IGF2R: variants seen among roughly 807,000 people sequenced by gnomAD.
IGF2R encodes cation-independent mannose-6-phosphate receptor.
IGF2R carries 91 observed loss-of-function variants against 270.6 expected under a neutral mutation model. The observed-to-expected ratio is 0.34, with a 90% CI of 0.28 to 0.40. IGF2R has a LOEUF of 0.40. Among genes scored for constraint, IGF2R ranks in the 10% least tolerant of loss-of-function variants. The pLI is 1.00. For synonymous variants in IGF2R, 1,316 were observed against 1,258.9 expected (o/e 1.05, Z -0.96); for missense variants, 2,805 against 3,188.3 (o/e 0.88, Z 2.90).
At chr6:160,081,473 G>A (rs911433179) in intron 39 of IGF2R, among the ~76,000 whole-genome samples, 11 of 152,186 alleles carry the variant, frequency 7.2e-5, no homozygotes, top group Admixed American at 3.3e-4. Context: ...CAAGGTCAGC[G>A]CGAAACTAGA....
At chr6:160,090,848 G>T (rs150958311) in intron 44 of IGF2R, among the ~76,000 whole-genome samples, 2,342 of 152,140 alleles carry the variant, frequency 0.015, 23 homozygotes, top group Non-Finnish European at 0.022. Flanking sequence ...CTGTGCCCTG[G>T]TGCTGAGCAC....
At chr6:160,056,357 G>T in intron 19 of IGF2R, 67 bp from the exon 20 acceptor site, 1 of 1,085,114 alleles carries the variant, frequency 9.2e-7, no homozygotes, top group Non-Finnish European at 1.4e-6. Flanking sequence ...TCTCAGGCGA[G>T]TATTCTTTTG....
intron 19 of IGF2R, among the ~76,000 whole-genome samples, chr6:160,053,412 A>T (rs1778241984): frequency 1.3e-5 from 2 of 152,154 alleles, no homozygotes; most frequent in South Asian, 4.1e-4. Context: ...TTAACATATA[A>T]TAAAAAAAGG....
chr6:160,046,377 C>T, intron 14 of IGF2R, 121 bp from the exon 15 acceptor site: 1 of 935,590 alleles, frequency 1.1e-6, no homozygotes, highest in Non-Finnish European at 1.6e-6. Flanking sequence ...GCCTCCTCCA[C>T]TTCTTCCTGC....
At chr6:159,997,191 A>G (rs1397168493) in intron 2 of IGF2R, among the ~76,000 whole-genome samples, 2 of 152,164 alleles carry the variant, frequency 1.3e-5, no homozygotes, top group Non-Finnish European at 2.9e-5. Flanking sequence ...CTTTGTCCCA[A>G]GGAGTGCCCC....
chr6:160,045,071 C>A (rs8191794), intron 13 of IGF2R, among the ~76,000 whole-genome samples: 7,183 of 152,178 alleles, frequency 0.047, 257 homozygotes, highest in South Asian at 0.14. Context: ...TTGTTTTTAC[C>A]AAGTCAAAAT....
intron 45 of IGF2R, among the ~76,000 whole-genome samples, chr6:160,099,370 T>C (rs1473100034): frequency 6.6e-6 from 1 of 151,950 alleles, no homozygotes; most frequent in Non-Finnish European, 1.5e-5. Context: ...TGTTATGTTA[T>C]GTTATGTTAT....
intron 41 of IGF2R, among the ~76,000 whole-genome samples, chr6:160,085,644 G>A (rs559327773): frequency 2.0e-3 from 305 of 152,318 alleles, no homozygotes; most frequent in Non-Finnish European, 3.5e-3. Context: ...AGGTTTCTTA[G>A]TAAGAGCAAT....
chr6:160,103,099 T>C (rs1779526030), intron 46 of IGF2R, among the ~76,000 whole-genome samples: 1 of 152,098 alleles, frequency 6.6e-6, no homozygotes, highest in Non-Finnish European at 1.5e-5. Context: ...GGACTCTCCA[T>C]GTGACGGTCA....
intron 25 of IGF2R, among the ~76,000 whole-genome samples, 177 bp downstream of exon 25, chr6:160,062,105 A>G (rs1374310491): frequency 6.6e-6 from 1 of 151,876 alleles, no homozygotes; most frequent in East Asian, 1.9e-4. Flanking sequence ...TGTTTAATAA[A>G]TGTTACGTAG....
chr6:159,971,031 T>C (rs1412875153), intron 1 of IGF2R, among the ~76,000 whole-genome samples: 1 of 152,216 alleles, frequency 6.6e-6, no homozygotes, highest in Non-Finnish European at 1.5e-5. Flanking sequence ...TGAGTTGTGA[T>C]CGAGTCGAGT....
chr6:160,000,728 GTTTTTTTTTTTTTT>G lies in IGF2R; in HGVS notation c.290-8270_290-8257del, dbSNP rs59215791. Among the ~76,000 whole-genome samples the G allele has an allele frequency of 8.6e-5, 6 of 69,962 alleles. No homozygotes were observed. In the South Asian group the frequency reaches 2.6e-3, roughly 31 times the overall value. The allele number at this position is 69,962 out of a possible 152,430, so 45.9% of individuals were successfully genotyped here. A position where few individuals can be genotyped will look rare whatever the true frequency, so the allele number is the denominator to read the frequency against. The stretch of plus-strand genomic sequence containing the variant: ...GGAAGATAATAGTTGGTGTGAGGTT[GTTTTTTTTTTTTTT>G]TTTTTTTTTTTGAGACAGAATCTTG... On this transcript the variant is annotated intron_variant, in intron 2 of 47. Transcript: ENST00000356956.
chr6:160,007,623 G>A (rs1784264855), intron 2 of IGF2R: 1 of 152,094 alleles, frequency 6.6e-6, no homozygotes, highest in Non-Finnish European at 1.5e-5. Context: ...GCTAGGAGTG[G>A]GTTTTTCCTT....
In IGF2R at chr6:160,096,659, C is replaced by T. The variant is rs146999254; in HGVS notation, c.6842+34C>T. 6 of 1,518,256 alleles carry T rather than the reference C, an allele frequency of 4.0e-6. No homozygotes were observed. In the Admixed American group the frequency reaches 9.2e-5, roughly 23 times the overall value. 94.0% of individuals were successfully genotyped at this position (1,518,256 alleles called of 1,614,324 possible). A position where few individuals can be genotyped will look rare whatever the true frequency, so the allele number is the denominator to read the frequency against. On this transcript the variant is annotated intron_variant, in intron 45 of 47. Transcript: ENST00000356956. ...GACATCCGGAAGCTTAGCACTTGTA[C>T]CCCACATCTTCCCTTAAGAATAAGT...
At chr6:160,017,113 A>G (rs1777317698) in intron 4 of IGF2R, among the ~76,000 whole-genome samples, 1 of 152,244 alleles carries the variant, frequency 6.6e-6, no homozygotes, top group African/African-American at 2.4e-5. Flanking sequence ...ACCAATACAA[A>G]GAGATCAGAA....
chr6:160,068,110 CAG>C, intron 29 of IGF2R, 137 bp from the exon 30 acceptor site: 1 of 630,670 alleles, frequency 1.6e-6, no homozygotes, highest in Non-Finnish European at 2.6e-6. Flanking sequence ...GTGTGTGTGA[CAG>C]AGACAGAGAG....
chr6:160,047,873 G>A lies in IGF2R; in HGVS notation c.2311G>A (p.Asp771Asn), dbSNP rs767397262. The A allele has an allele frequency of 1.9e-6, 3 of 1,613,654 alleles. No homozygotes were observed. The highest frequency in any genetic ancestry group is 2.2e-5 in the South Asian group (2 of 91,078). Residue 771 changes from aspartate to asparagine, a missense_variant, in exon 17 of 48, where the codon GAC becomes AAC. Coordinates refer to ENST00000356956, the MANE Select transcript of IGF2R (RefSeq NM_000876.4). ...PEEPLECVVT[D>N]PSTLEQYDLS... is the part of the protein sequence containing the mutation. ...GGAGCCCCTGGAATGCGTAGTGACC[G>A]ACCCCTCCACGCTGGAGCAGTACGA...
intron 1 of IGF2R, among the ~76,000 whole-genome samples, chr6:159,975,916 A>G (rs1246433096): frequency 6.6e-6 from 1 of 151,654 alleles, no homozygotes; most frequent in African/African-American, 2.4e-5. Context: ...AAATATGCTT[A>G]CAGCTCTGTT....
chr6:160,075,105 C>G (rs1338142216), intron 35 of IGF2R, among the ~76,000 whole-genome samples: 1 of 151,964 alleles, frequency 6.6e-6, no homozygotes, highest in African/African-American at 2.4e-5. Flanking sequence ...TATACACACA[C>G]TCACACCCAC....
Sources: allele counts gnomAD v4.1 joint callset (sites outside exome capture counted in the v4.1 genomes callset), GRCh38; gene constraint gnomAD v4.1.1; transcripts MANE v1.5; gene names NCBI Gene and HGNC (gene_info 2026-07-23, HGNC 2026-07-21).